TCTA: variants seen among roughly 807,000 people sequenced by gnomAD.
TCTA encodes the protein T-cell leukemia translocation-altered gene protein.
Under a neutral mutation model 13.5 loss-of-function variants are expected in TCTA, and 13 were observed. The observed-to-expected ratio is 0.96, with a 90% CI of 0.63 to 1.53. The LOEUF is 1.53. TCTA is among the 40% of genes most tolerant of loss of function. The probability of loss-of-function intolerance (pLI) is 0.00; values close to 1 mark genes in which losing one functional copy is unlikely to be tolerated. For synonymous variants in TCTA, 58 were observed against 59.0 expected (o/e 0.98, Z 0.08); for missense variants, 138 against 131.3 (o/e 1.05, Z -0.25).
rs1316973757 is a variant in TCTA, at chr3:49,416,209, T to G, written c.*1347T>G. On this transcript the variant is annotated 3_prime_UTR_variant, in exon 3 of 3. Transcript: ENST00000273590. ...GTAGCCCTGGACCTGCCTCCTTCCC[T>G]CGGGGCCATACTTCTGTTTCCATCT... The G allele has an allele frequency of 6.3e-6, 1 of 159,204 alleles. No homozygotes were observed. The highest frequency in any genetic ancestry group is 5.9e-5 in the Admixed American group (1 of 16,980). 9.9% of individuals were successfully genotyped at this position (159,204 alleles called of 1,614,324 possible). A position where few individuals can be genotyped will look rare whatever the true frequency, so the allele number is the denominator to read the frequency against.
At position 49,416,356 on chromosome 3, in the gene TCTA, T is replaced by C. The variant is rs1343472515; in HGVS notation, c.*1494T>C. On this transcript the variant is annotated 3_prime_UTR_variant, in exon 3 of 3. Transcript: ENST00000273590. The stretch of plus-strand genomic sequence containing the variant: ...TAGAGGGGCCCTGGAATTGCAGCTG[T>C]ACTGAGGATGATGTTATTCACAGCC... 3 of 197,870 alleles carry C rather than the reference T, an allele frequency of 1.5e-5. No individual in the cohort carries two copies. The highest frequency in any genetic ancestry group is 4.6e-5 in the African/African-American group (2 of 43,178). The allele number at this position is 197,870 out of a possible 1,614,324, so 12.3% of individuals were successfully genotyped here.
Position 49,412,649 on chromosome 3 carries a change from T to C in TCTA, c.214+9T>C. Reference sequence around the variant, plus strand: ...GTTGTATCACCGTCCAGGTGAGGCTTCCTACGAACCTCCGTGGGCTGGCCG... The same window carrying C: ...GTTGTATCACCGTCCAGGTGAGGCTCCCTACGAACCTCCGTGGGCTGGCCG... On this transcript the variant is annotated intron_variant, in intron 1 of 2. Coordinates refer to ENST00000273590, the MANE Select transcript of TCTA (RefSeq NM_022171.3). The C allele has an allele frequency of 6.2e-7, 1 of 1,611,910 alleles. No homozygotes were observed. Among genetic ancestry groups the C allele is most frequent in the Non-Finnish European group, 8.5e-7 (1 of 1,178,154 alleles).
intron 1 of TCTA, 134 bp from the exon 2 acceptor site, chr3:49,412,922 A>G: frequency 1.1e-6 from 1 of 873,040 alleles, no homozygotes. Flanking sequence ...CTCACCTGGC[A>G]ATACCATTAG....
Position 49,414,148 on chromosome 3 carries a change from T to G in TCTA, c.270-672T>G, listed in dbSNP as rs536449121. 2.1e-4 allele frequency among the ~76,000 whole-genome samples: 30 copies of G among 141,532 alleles called. No individual in the cohort carries two copies. In the East Asian group the frequency reaches 5.8e-3, roughly 27 times the overall value. The allele number at this position is 141,532 out of a possible 152,430, so 92.9% of individuals were successfully genotyped here. On this transcript the variant is annotated intron_variant, in intron 2 of 2. Transcript: ENST00000273590. ...CCCAGCTACTCGGGAGGCTGAGGCA[T>G]GAGAATCACTTGAACCCAGGAGGCA...
Position 49,414,745 on chromosome 3 carries a change from T to C in TCTA, c.270-75T>C, listed in dbSNP as rs1023922556. On this transcript the variant is annotated intron_variant, in intron 2 of 2. Transcript: ENST00000273590. ...CCTAGCTCAGCCCCCAAGAAGGAGC[T>C]TGGGAGAGCCAATTTCAGCAACTGT... 9 of 1,587,820 alleles carry C rather than the reference T, an allele frequency of 5.7e-6. No homozygotes were observed. In the African/African-American group the frequency reaches 8.1e-5, roughly 14 times the overall value.
Position 49,415,018 on chromosome 3 carries a change from T to G in TCTA, c.*156T>G. On this transcript the variant is annotated 3_prime_UTR_variant, in exon 3 of 3. Transcript: ENST00000273590. Reference sequence around the variant, plus strand: ...ACAGGGCTGGGCCTCTTCTGCCTCTTAAGCCTGCTCCCTCACCCAGGCACT... The same window carrying G: ...ACAGGGCTGGGCCTCTTCTGCCTCTGAAGCCTGCTCCCTCACCCAGGCACT... The G allele has an allele frequency of 1.2e-6, 1 of 802,820 alleles. No individual in the cohort carries two copies. The highest frequency in any genetic ancestry group is 2.0e-6 in the Non-Finnish European group (1 of 503,950). 49.7% of individuals were successfully genotyped at this position (802,820 alleles called of 1,614,324 possible).
At position 49,414,757 on chromosome 3, in the gene TCTA, A is replaced by G. The variant is rs540456362; in HGVS notation, c.270-63A>G. ...CCCAAGAAGGAGCTTGGGAGAGCCA[A>G]TTTCAGCAACTGTTCTGCCCATGGA... On this transcript the variant is annotated intron_variant, in intron 2 of 2. Transcript: ENST00000273590. 3.4e-5 allele frequency: 55 copies of G among 1,607,276 alleles called. No homozygotes were observed. In the Admixed American group the frequency reaches 4.0e-4, roughly 12 times the overall value.
rs199582584 is a variant in TCTA at position 49,412,500 on chromosome 3, T to C, written c.74T>C (p.Phe25Ser). Residue 25 changes from phenylalanine (F) to serine (S), a missense_variant, in exon 1 of 3, where the codon TTC becomes TCC. Transcript: ENST00000273590. Reference sequence around the variant, plus strand: ...GTGCTGGGCGCGCTGGGCAGCGAGTTCTTGCGGGAGTGGGAGGCGCAGGAC... The same window carrying C: ...GTGCTGGGCGCGCTGGGCAGCGAGTCCTTGCGGGAGTGGGAGGCGCAGGAC... ...ATVLGALGSEFLREWEAQDMR... is the reference protein window; with the variant it reads ...ATVLGALGSESLREWEAQDMR... 2.4e-5 allele frequency: 39 copies of C among 1,614,052 alleles called. No individual in the cohort carries two copies. Among genetic ancestry groups the C allele is most frequent in the Non-Finnish European group, 3.1e-5 (37 of 1,180,034 alleles).
At position 49,412,633 on chromosome 3, in the gene TCTA, C is replaced by A. The variant is rs145962554; in HGVS notation, c.207C>A (p.His69Gln). 26 of 1,613,892 alleles carry A rather than the reference C, an allele frequency of 1.6e-5. No homozygotes were observed. The African/African-American group carries it at 3.5e-4, about 21-fold the overall frequency. ...FYGNTVTGLYHRPGLGGQNGS... is the reference protein window; with the variant it reads ...FYGNTVTGLYQRPGLGGQNGS... ...GGAATACAGTGACCGGGTTGTATCACCGTCCAGGTGAGGCTTCCTACGAAC... is the reference window on the plus strand; with the variant it reads ...GGAATACAGTGACCGGGTTGTATCAACGTCCAGGTGAGGCTTCCTACGAAC... Residue 69 changes from histidine (H) to glutamine (Q), a missense_variant, in exon 1 of 3, where the codon CAC becomes CAA. Physicochemically the swap from His to Gln is conservative, Grantham distance 24. Transcript: ENST00000273590.
At chr3:49,412,965 A>G in intron 1 of TCTA, 91 bp from the exon 2 acceptor site, 1 of 1,354,978 alleles carries the variant, frequency 7.4e-7, no homozygotes, top group Non-Finnish European at 1.0e-6. Context: ...TTCACCAAAC[A>G]ATACCAGTGG....
intron 2 of TCTA, among the ~76,000 whole-genome samples, chr3:49,413,699 C>G (rs1230950624): frequency 6.6e-6 from 1 of 152,030 alleles, no homozygotes; most frequent in Non-Finnish European, 1.5e-5. Context: ...GTGTACCAAG[C>G]AAAGGGAATG....
intron 1 of TCTA, 25 bp downstream of exon 1, chr3:49,412,665 G>A (rs2048963907): frequency 6.2e-7 from 1 of 1,607,916 alleles, no homozygotes; most frequent in Non-Finnish European, 8.5e-7. Flanking sequence ...GAACCTCCGT[G>A]GGCTGGCCGC....
intron 1 of TCTA, 22 bp from the exon 2 acceptor site, chr3:49,413,034 C>G (rs575154180): frequency 6.2e-7 from 1 of 1,613,872 alleles, no homozygotes; most frequent in Admixed American, 1.7e-5. Context: ...TTCTGCAGCT[C>G]TGGATGTGTT....
intron 2 of TCTA, among the ~76,000 whole-genome samples, chr3:49,414,197 C>T (rs1008840233): frequency 6.6e-6 from 1 of 150,650 alleles, no homozygotes; most frequent in Admixed American, 6.6e-5. Context: ...GCCCAGATCA[C>T]GCCACTGCAC....
chr3:49,414,740 G>C (rs775802713), intron 2 of TCTA, 80 bp from the exon 3 acceptor site: 15 of 1,550,036 alleles, frequency 9.7e-6, no homozygotes, highest in Non-Finnish European at 1.3e-5. Context: ...CCCCCAAGAA[G>C]GAGCTTGGGA....
intron 2 of TCTA, among the ~76,000 whole-genome samples, chr3:49,413,939 G>GTTTC (rs1180382304): frequency 6.6e-6 from 1 of 152,186 alleles, no homozygotes; most frequent in Admixed American, 6.5e-5. Flanking sequence ...CACTGCCCAG[G>GTTTC]TTTCTGTCTT....
In TCTA at chr3:49,413,058, C is replaced by G; in HGVS notation, c.217C>G (p.Leu73Val). 6.2e-7 allele frequency: 1 copy of G among 1,614,186 alleles called. No individual in the cohort carries two copies. The highest frequency in any genetic ancestry group is 8.5e-7 in the Non-Finnish European group (1 of 1,180,016). Residue 73 changes from leucine (L) to valine (V), a missense_variant and splice_region_variant, in exon 2 of 3, where the codon CTG (leucine) becomes GTG (valine). Physicochemically the swap from Leu to Val is conservative, Grantham distance 32. Coordinates refer to ENST00000273590, the MANE Select transcript of TCTA (RefSeq NM_022171.3). ...TVTGLYHRPG[L>V]GGQNGSTPDG... is the part of the protein sequence containing the mutation. The stretch of plus-strand genomic sequence containing the variant: ...TCTGGATGTGTTTCTGCCTCCAGGT[C>G]TGGGTGGTCAGAATGGATCCACGCC...
chr3:49,413,546 A>G (rs999035168), intron 2 of TCTA: 3 of 157,724 alleles, frequency 1.9e-5, no homozygotes, highest in African/African-American at 7.2e-5. Context: ...CGAGGCCCAG[A>G]GAACAAAGAC....
At chr3:49,413,803 C>T (rs1487528397) in intron 2 of TCTA, among the ~76,000 whole-genome samples, 1 of 152,194 alleles carries the variant, frequency 6.6e-6, no homozygotes, top group Non-Finnish European at 1.5e-5. Flanking sequence ...TTGTTGGACC[C>T]TGGGAGCCAT....
Sources: gnomAD v4.1 joint callset for allele counts (sites outside exome capture counted in the v4.1 genomes callset) on GRCh38, gnomAD v4.1.1 for gene constraint, MANE v1.5 for transcripts, NCBI Gene and HGNC (gene_info 2026-07-23, HGNC 2026-07-21) for gene names.